TDRD9: variants seen among roughly 807,000 people sequenced by gnomAD.
TDRD9 encodes tudor domain containing 9, also known as ATP-dependent RNA helicase TDRD9.
TDRD9 carries 124 observed loss-of-function variants against 172.6 expected under a neutral mutation model. The observed-to-expected ratio is 0.72, with a 90% confidence interval of 0.62 to 0.83. The LOEUF is 0.83. Ranked by LOEUF, TDRD9 falls within the 40% of genes least tolerant of loss-of-function variation. The pLI is 0.00. For synonymous variants in TDRD9, 619 were observed against 617.1 expected, an observed-to-expected ratio of 1.00 and a Z score of -0.05; for missense variants, 1,479 against 1,714.1, an observed-to-expected ratio of 0.86 and a Z score of 2.42.
chr14:103,937,083 G>C (rs1434362142), intron 1 of TDRD9, among the ~76,000 whole-genome samples: 2 of 152,186 alleles, frequency 1.3e-5, no homozygotes, highest in Non-Finnish European at 2.9e-5. Flanking sequence ...GCAAGAGCCT[G>C]TCTCTTTAAA....
rs927992052 is a variant in TDRD9 at position 104,008,001 on chromosome 14, G to A, written c.2053-412G>A. Among the ~76,000 whole-genome samples the A allele has an allele frequency of 3.9e-5, 6 of 152,084 alleles. No individual in the cohort carries two copies. In the East Asian group the frequency reaches 7.7e-4, roughly 20 times the overall value. The stretch of plus-strand genomic sequence containing the variant: ...TCACTGTGTTAGCTAGGGTGGTCTC[G>A]ATCTCCTGACCTTGTGATCTGCCCG... On this transcript the variant is annotated intron_variant, in intron 19 of 35. Coordinates refer to ENST00000409874, the MANE Select transcript of TDRD9 (RefSeq NM_153046.3).
intron 1 of TDRD9, among the ~76,000 whole-genome samples, chr14:103,953,146 C>T (rs1197874435): frequency 6.6e-6 from 1 of 152,172 alleles, no homozygotes; most frequent in Non-Finnish European, 1.5e-5. Context: ...TGTTATTTCT[C>T]TCTCTGCTCA....
Position 103,997,895 on chromosome 14 carries a change from A to C in TDRD9, c.1379-729A>C, listed in dbSNP as rs2152207389. 6.6e-6 allele frequency among the ~76,000 whole-genome samples: 1 copy of C among 152,336 alleles called. No homozygotes were observed. The highest frequency in any genetic ancestry group is 6.5e-5 in the Admixed American group (1 of 15,310). On this transcript the variant is annotated intron_variant, in intron 12 of 35. Coordinates refer to ENST00000409874, the MANE Select transcript of TDRD9 (RefSeq NM_153046.3). This position sits in a 1 kb window ranked among gnomAD's most constrained non-coding sequence, Gnocchi z 5.1. ...CAAGCGTCTGCTTGGAGTGGGCTCA[A>C]GAAAGGATGGGAAGAAATGAACAAA...
intron 1 of TDRD9, among the ~76,000 whole-genome samples, chr14:103,934,318 C>T (rs2030606999): frequency 6.6e-6 from 1 of 152,222 alleles, no homozygotes; most frequent in Non-Finnish European, 1.5e-5. Context: ...GGCCAAAGTC[C>T]ACATTTTTAA....
rs772988203 is a variant in TDRD9 at position 103,965,577 on chromosome 14, G to T, written c.642+23G>T. The T allele has an allele frequency of 5.7e-5, 81 of 1,426,914 alleles. 5 individuals carry two copies. The Middle Eastern group carries it at 6.3e-4, about 11-fold the overall frequency. The allele number at this position is 1,426,914 out of a possible 1,614,324, so 88.4% of individuals were successfully genotyped here. ...CAGGTGAGACTGGGAGGGAGGGAGG[G>T]ACTAAGAGAGCCAGCTGTCTCTCTA... On this transcript the variant is annotated intron_variant, in intron 4 of 35. Coordinates refer to ENST00000409874, the MANE Select transcript of TDRD9 (RefSeq NM_153046.3).
intron 13 of TDRD9, among the ~76,000 whole-genome samples, chr14:104,002,378 A>G (rs1379949690): frequency 3.3e-5 from 5 of 152,198 alleles, no homozygotes; most frequent in African/African-American, 7.2e-5. Context: ...AGAGTTTTAA[A>G]GAACAATTTG....
intron 21 of TDRD9, among the ~76,000 whole-genome samples, chr14:104,015,467 G>A (rs909499838): frequency 2.6e-5 from 4 of 152,196 alleles, no homozygotes; most frequent in African/African-American, 9.7e-5. Flanking sequence ...GGAGTCTTTG[G>A]TGGGTGTGTT....
intron 12 of TDRD9, 142 bp from the exon 13 acceptor site, chr14:103,998,482 C>T (rs540475895): frequency 4.1e-5 from 24 of 589,004 alleles, no homozygotes; most frequent in African/African-American, 2.4e-4. Context: ...CGGGAGTGGT[C>T]GGTGCGTGGC....
rs184382856 is a variant in TDRD9, at chr14:104,042,948, A to T, written c.3974+761A>T. 8.4e-4 allele frequency among the ~76,000 whole-genome samples: 128 copies of T among 152,306 alleles called. 3 individuals carry two copies. The East Asian group carries it at 0.024, about 28-fold the overall frequency. On this transcript the variant is annotated intron_variant, in intron 34 of 35. Coordinates refer to ENST00000409874, the MANE Select transcript of TDRD9 (RefSeq NM_153046.3). Reference sequence around the variant, plus strand: ...AAGCATTTTTTAAAAAGCTATATATAGCTGTCTTAGAAATGGTGAGAAAGG... The same window carrying T: ...AAGCATTTTTTAAAAAGCTATATATTGCTGTCTTAGAAATGGTGAGAAAGG...
rs201597868 is a variant in TDRD9, at chr14:104,006,631, A to T, written c.1880-15A>T. On this transcript the variant is annotated splice_polypyrimidine_tract_variant and intron_variant, in intron 16 of 35. Transcript: ENST00000409874. Reference sequence around the variant, plus strand: ...TCACAATCTTACATTCTTCTTGTTTATTTTTTATGGTTAGCGGCAGCTCTT... The same window carrying T: ...TCACAATCTTACATTCTTCTTGTTTTTTTTTTATGGTTAGCGGCAGCTCTT... The T allele has an allele frequency of 6.2e-7, 1 of 1,613,492 alleles. No individual in the cohort carries two copies. Among genetic ancestry groups the T allele is most frequent in the East Asian group, 2.2e-5 (1 of 44,868 alleles).
intron 14 of TDRD9, chr14:104,005,040 C>A (rs1358052769): frequency 1.1e-5 from 4 of 349,882 alleles, no homozygotes; most frequent in Non-Finnish European, 2.0e-5. Flanking sequence ...CCCTCTTTTC[C>A]TTCTCTTTTT....
rs779624431 is a variant in TDRD9 at position 103,995,734 on chromosome 14, C to T, written c.1321-16C>T. The T allele has an allele frequency of 3.2e-6, 5 of 1,577,342 alleles. No homozygotes were observed. The highest frequency in any genetic ancestry group is 2.0e-5 in the Admixed American group (1 of 50,782). On this transcript the variant is annotated splice_polypyrimidine_tract_variant and intron_variant, in intron 11 of 35. Coordinates refer to ENST00000409874, the MANE Select transcript of TDRD9 (RefSeq NM_153046.3). ...ATATAGTAGGAATGTCAGCTTTTTTCTTTGATGTTTAACAGATTATTCTGT... is the reference window on the plus strand; with the variant it reads ...ATATAGTAGGAATGTCAGCTTTTTTTTTTGATGTTTAACAGATTATTCTGT...
intron 1 of TDRD9, among the ~76,000 whole-genome samples, chr14:103,947,319 T>G (rs760520039): frequency 9.9e-5 from 15 of 151,956 alleles, no homozygotes; most frequent in Non-Finnish European, 1.8e-4. Context: ...GTTTTGTTTT[T>G]TTTGTTTTTT....
At chr14:103,991,296 G>T (rs2033855036) in intron 9 of TDRD9, 72 bp downstream of exon 9, 2 of 1,451,384 alleles carry the variant, frequency 1.4e-6, no homozygotes, top group Non-Finnish European at 1.9e-6. Flanking sequence ...GCCTAACACA[G>T]ATTATGAAAG....
chr14:104,007,206 T>C lies in TDRD9; in HGVS notation c.2052+2T>C, dbSNP rs1248121779. On this transcript the variant is annotated splice_donor_variant, in intron 19 of 35. Transcript: ENST00000409874. LOFTEE classifies it high-confidence loss of function. ...ACAGGGGAGCTGCGGTACCCGAAGG[T>C]TGGTGAGCCCTTTCCTGCTGCTTTC... is the stretch of plus-strand genomic sequence containing the variant. 6.2e-7 allele frequency: 1 copy of C among 1,613,724 alleles called. No homozygotes were observed. The highest frequency in any genetic ancestry group is 1.7e-5 in the Admixed American group (1 of 59,980).
chr14:103,931,298 C>T (rs75705276), intron 1 of TDRD9, among the ~76,000 whole-genome samples: 1 of 132,186 alleles, frequency 7.6e-6, no homozygotes, highest in African/African-American at 2.8e-5. Context: ...GACCCTGTCT[C>T]AAAAAAAAAA....
rs1349602596 is a variant in TDRD9 at position 103,975,457 on chromosome 14, C to T, written c.915C>T (p.Asn305=). ...FADYFAVPVQ[N]KMNPAYIFEV... ...ACTACTTTGCTGTTCCTGTTCAAAA[C>T]AAGATGAATCCTGCATATATTTTTG... The change falls in exon 7 of 36, where the codon AAC becomes AAT. Residue 305 remains asparagine, a synonymous_variant. Coordinates refer to ENST00000409874, the MANE Select transcript of TDRD9 (RefSeq NM_153046.3). The T allele has an allele frequency of 6.2e-7, 1 of 1,613,896 alleles. No individual in the cohort carries two copies. Among genetic ancestry groups the T allele is most frequent in the South Asian group, 1.1e-5 (1 of 91,060 alleles).
intron 1 of TDRD9, among the ~76,000 whole-genome samples, chr14:103,938,176 A>C (rs544338958): frequency 6.6e-6 from 1 of 152,118 alleles, no homozygotes; most frequent in Admixed American, 6.5e-5. Context: ...GAATTACTTT[A>C]ATATTATTAA....
intron 13 of TDRD9, 63 bp downstream of exon 13, chr14:103,998,791 C>CTTTT: frequency 2.1e-5 from 13 of 631,500 alleles, no homozygotes; most frequent in South Asian, 4.1e-5. Context: ...CATTCAGGTG[C>CTTTT]TTTTTTTTTT....
Sources: allele counts gnomAD v4.1 joint callset (sites outside exome capture counted in the v4.1 genomes callset), GRCh38; gene constraint gnomAD v4.1.1; non-coding constraint Gnocchi (gnomAD v3.1); transcripts MANE v1.5; gene names NCBI Gene and HGNC (gene_info 2026-07-23, HGNC 2026-07-21).